Variants in ZNF385D observed in about 807,000 individuals in gnomAD.
ZNF385D encodes the protein zinc finger protein 385D.
Under a neutral mutation model 35.8 loss-of-function variants are expected in ZNF385D, and 15 were observed. The ratio of observed to expected loss-of-function variants is 0.42; its 90% confidence interval spans 0.28 to 0.64. The LOEUF is 0.64. Among genes scored for constraint, ZNF385D ranks in the 30% least tolerant of loss-of-function variants. The pLI, the probability that ZNF385D is intolerant of heterozygous loss-of-function variation, is 0.23. For missense variants in ZNF385D, 474 were observed against 494.6 expected (o/e 0.96, Z 0.39); for synonymous variants, 212 against 186.8 (o/e 1.13, Z -1.10).
chr3:21,704,088 C>T (rs2067806300), intron 1 of ZNF385D, among the ~76,000 whole-genome samples: 1 of 152,120 alleles, frequency 6.6e-6, no homozygotes, highest in Admixed American at 6.5e-5. Context: ...AAGCAATGCT[C>T]AATCATAAAA....
At chr3:21,511,483 G>C (rs1248935423) in intron 3 of ZNF385D, 1 of 354,300 alleles carries the variant, frequency 2.8e-6, no homozygotes, top group Non-Finnish European at 5.6e-6. Context: ...TACAAGGAAA[G>C]GTTCACACAA....
Position 21,780,353 on chromosome 3 carries a change from G to A in ZNF385D, c.326-115325C>T, listed in dbSNP as rs140893554. 7.2e-5 allele frequency among the ~76,000 whole-genome samples: 11 copies of A among 151,900 alleles called. No homozygotes were observed. The East Asian group carries it at 1.7e-3, about 24-fold the overall frequency. On this transcript the variant is annotated intron_variant, in intron 3 of 5. Coordinates refer to the ZNF385D transcript ENST00000494108. Reference sequence around the variant, plus strand: ...CATACTATCATTGCAACTACCACCAGGGGATTCATGTCACAGTTTACTGAG... The same window carrying A: ...CATACTATCATTGCAACTACCACCAAGGGATTCATGTCACAGTTTACTGAG...
At chr3:22,096,305 C>T (rs539194253) in intron 3 of ZNF385D, among the ~76,000 whole-genome samples, 6 of 150,814 alleles carry the variant, frequency 4.0e-5, no homozygotes, top group African/African-American at 1.5e-4. Flanking sequence ...CACATGTAAA[C>T]CCTGAATCTA....
rs146444022 is a variant in ZNF385D at position 21,501,224 on chromosome 3, C to T, written c.439+9637G>A. Among the ~76,000 whole-genome samples, 519 of 152,196 alleles carry T rather than the reference C, an allele frequency of 3.4e-3. 4 individuals carry two copies. Among genetic ancestry groups the T allele is most frequent in the African/African-American group, 0.012 (500 of 41,528 alleles). The stretch of plus-strand genomic sequence containing the variant: ...GAGACCCACTCCCTCTATCGCTGTA[C>T]GGGACAGCTTCTTCCTTCTGCCGTC... On this transcript the variant is annotated intron_variant, in intron 4 of 7. Coordinates refer to ENST00000281523, the MANE Select transcript of ZNF385D (RefSeq NM_024697.3).
At chr3:22,329,778 A>G (rs1199030063) in intron 2 of ZNF385D, among the ~76,000 whole-genome samples, 2 of 152,200 alleles carry the variant, frequency 1.3e-5, no homozygotes, top group Non-Finnish European at 2.9e-5. Context: ...AGGTGATATT[A>G]ATTTTAGTAA....
At chr3:22,181,301 A>C (rs1267148913) in intron 2 of ZNF385D, among the ~76,000 whole-genome samples, 1 of 151,902 alleles carries the variant, frequency 6.6e-6, no homozygotes, top group Non-Finnish European at 1.5e-5. Flanking sequence ...TGGCACATAT[A>C]CTCTAGGATG....
intron 1 of ZNF385D, among the ~76,000 whole-genome samples, chr3:21,731,251 T>C (rs1428754115): frequency 6.6e-6 from 1 of 152,230 alleles, no homozygotes; most frequent in African/African-American, 2.4e-5. Context: ...CTATTATTTT[T>C]ATTTACATTT....
At chr3:22,133,540 G>T (rs1022617044) in intron 3 of ZNF385D, 1 of 151,932 alleles carries the variant, frequency 6.6e-6, no homozygotes, top group Non-Finnish European at 1.5e-5. Context: ...CATACAGACT[G>T]CATATCTGGT....
intron 3 of ZNF385D, among the ~76,000 whole-genome samples, chr3:21,884,614 A>G (rs978511816): frequency 6.6e-6 from 1 of 152,062 alleles, no homozygotes; most frequent in Admixed American, 6.6e-5. Context: ...CACAGGCAAT[A>G]AATGGCCAGA....
chr3:22,033,582 T>C (rs750934733), intron 3 of ZNF385D, among the ~76,000 whole-genome samples: 2 of 151,960 alleles, frequency 1.3e-5, no homozygotes, highest in Non-Finnish European at 2.9e-5. Context: ...TATCTATCAG[T>C]GTTCAGTGTA....
At chr3:21,878,360 G>A (rs1698090675) in intron 3 of ZNF385D, among the ~76,000 whole-genome samples, 1 of 152,004 alleles carries the variant, frequency 6.6e-6, no homozygotes, top group African/African-American at 2.4e-5. Flanking sequence ...TGCCATGTGA[G>A]CAAGCCTGTT....
intron 4 of ZNF385D, among the ~76,000 whole-genome samples, chr3:21,446,595 G>C (rs1702167709): frequency 7.0e-6 from 1 of 143,174 alleles, no homozygotes; most frequent in Non-Finnish European, 1.5e-5. Flanking sequence ...CTGGATTCAA[G>C]TGATTCTTCT....
chr3:21,518,420 T>C (rs1707711750), intron 3 of ZNF385D, among the ~76,000 whole-genome samples: 1 of 152,164 alleles, frequency 6.6e-6, no homozygotes, highest in Non-Finnish European at 1.5e-5. Context: ...GTAATTATTG[T>C]CGCAGGACAA....
intron 2 of ZNF385D, among the ~76,000 whole-genome samples, chr3:21,652,199 T>A (rs1160967820): frequency 2.0e-5 from 3 of 152,212 alleles, no homozygotes; most frequent in Non-Finnish European, 4.4e-5. Flanking sequence ...GATTGACTTT[T>A]CAGTCACTTC....
intron 3 of ZNF385D, among the ~76,000 whole-genome samples, chr3:21,976,724 G>A (rs1002841893): frequency 3.9e-5 from 6 of 152,216 alleles, no homozygotes; most frequent in African/African-American, 1.4e-4. Flanking sequence ...CTGGGCAGGT[G>A]TCTCACGCTT....
At chr3:22,264,716 A>C (rs1338771949) in intron 2 of ZNF385D, among the ~76,000 whole-genome samples, 1 of 152,042 alleles carries the variant, frequency 6.6e-6, no homozygotes, top group African/African-American at 2.4e-5. Flanking sequence ...TACACCAATT[A>C]GGTGATTAAT....
intron 1 of ZNF385D, among the ~76,000 whole-genome samples, chr3:21,698,237 T>C (rs1025058410): frequency 6.6e-6 from 1 of 152,172 alleles, no homozygotes; most frequent in African/African-American, 2.4e-5. Context: ...GAAAATGTGC[T>C]CTATATATAT....
At chr3:21,791,756 G>C (rs2071935893) in intron 3 of ZNF385D, among the ~76,000 whole-genome samples, 1 of 152,090 alleles carries the variant, frequency 6.6e-6, no homozygotes, top group Non-Finnish European at 1.5e-5. Context: ...TTGTTGTTGA[G>C]ATGGCATCTC....
chr3:21,894,040 T>A (rs1046630133), intron 3 of ZNF385D, among the ~76,000 whole-genome samples: 2 of 152,164 alleles, frequency 1.3e-5, no homozygotes, highest in Admixed American at 6.5e-5. Context: ...ATAGAATACT[T>A]GTTTCTGTGT....
Sources: gnomAD v4.1 joint callset for allele counts (sites outside exome capture counted in the v4.1 genomes callset) on GRCh38, gnomAD v4.1.1 for gene constraint, MANE v1.5 for transcripts, NCBI Gene and HGNC (gene_info 2026-07-23, HGNC 2026-07-21) for gene names.